GRIN3A: variants seen among roughly 807,000 people sequenced by gnomAD.
GRIN3A encodes glutamate receptor ionotropic, NMDA 3A.
Under a neutral mutation model 92.4 loss-of-function variants are expected in GRIN3A, and 47 were observed. That is an observed-to-expected ratio of 0.51 (90% CI 0.40 to 0.65). The LOEUF is 0.65. Ranked by LOEUF, GRIN3A falls within the 30% of genes least tolerant of loss-of-function variation. The pLI, the probability that GRIN3A is intolerant of heterozygous loss-of-function variation, is 0.00. For synonymous variants in GRIN3A, 527 were observed against 540.6 expected, an observed-to-expected ratio of 0.97 and a Z score of 0.35; for missense variants, 1,324 against 1,393.1, an observed-to-expected ratio of 0.95 and a Z score of 0.79.
Position 101,583,297 on chromosome 9 carries a change from T to G in GRIN3A, c.2767-3937A>C, listed in dbSNP as rs117597970. ...TCGCTATAACAACTATCACAATTTTTTATTTAAAACTCACATTGGAATGGA... is the reference window on the plus strand; with the variant it reads ...TCGCTATAACAACTATCACAATTTTGTATTTAAAACTCACATTGGAATGGA... On this transcript the variant is annotated intron_variant, in intron 6 of 8. Transcript: ENST00000361820. Among the ~76,000 whole-genome samples the G allele has an allele frequency of 6.6e-4, 100 of 152,334 alleles. 2 individuals are homozygous for G. The East Asian group carries it at 0.012, about 19-fold the overall frequency.
At chr9:101,581,262 C>G in intron 6 of GRIN3A, among the ~76,000 whole-genome samples, 1 of 152,104 alleles carries the variant, frequency 6.6e-6, no homozygotes, top group Non-Finnish European at 1.5e-5. Flanking sequence ...AGTGAACATA[C>G]TAACCTGAGG....
chr9:101,697,063 T>A (rs1320154771), intron 1 of GRIN3A, among the ~76,000 whole-genome samples: 1 of 152,218 alleles, frequency 6.6e-6, no homozygotes, highest in Non-Finnish European at 1.5e-5. Context: ...GTATAATGGC[T>A]TATTTCATTT....
intron 3 of GRIN3A, among the ~76,000 whole-genome samples, chr9:101,638,841 A>T (rs1828816684): frequency 6.6e-6 from 1 of 152,250 alleles, no homozygotes; most frequent in Admixed American, 6.5e-5. Flanking sequence ...GCTTGGCGTT[A>T]GACTCAGTTC....
At chr9:101,683,300 G>C (rs186890734) in intron 2 of GRIN3A, among the ~76,000 whole-genome samples, 2 of 152,148 alleles carry the variant, frequency 1.3e-5, no homozygotes, top group Non-Finnish European at 1.5e-5. Context: ...GAAAACTTGC[G>C]TAACTCTGAC....
At chr9:101,709,638 T>C (rs1829854838) in intron 1 of GRIN3A, among the ~76,000 whole-genome samples, 1 of 152,250 alleles carries the variant, frequency 6.6e-6, no homozygotes, top group Non-Finnish European at 1.5e-5. Flanking sequence ...GCTCAGTTTG[T>C]TCATTTGTAA....
chr9:101,641,916 C>G (rs1828870921), intron 3 of GRIN3A, among the ~76,000 whole-genome samples: 1 of 151,914 alleles, frequency 6.6e-6, no homozygotes, highest in Non-Finnish European at 1.5e-5. Context: ...TGAGTGGTAG[C>G]TATTTGATTG....
intron 1 of GRIN3A, among the ~76,000 whole-genome samples, chr9:101,721,727 T>C (rs1008911399): frequency 6.6e-6 from 1 of 152,290 alleles, no homozygotes; most frequent in Admixed American, 6.5e-5. Context: ...TGGAGGCATT[T>C]TACCCCTGCC....
intron 3 of GRIN3A, among the ~76,000 whole-genome samples, chr9:101,628,971 T>G (rs1828676729): frequency 6.6e-6 from 1 of 152,240 alleles, no homozygotes; most frequent in African/African-American, 2.4e-5. Context: ...AATAATTAGG[T>G]TTTTAAGTTG....
At chr9:101,677,216 C>T (rs1373005880) in intron 2 of GRIN3A, among the ~76,000 whole-genome samples, 1 of 151,826 alleles carries the variant, frequency 6.6e-6, no homozygotes, top group African/African-American at 2.4e-5. Context: ...CAGGGCTTTC[C>T]CCTAAACTCT....
intron 6 of GRIN3A, among the ~76,000 whole-genome samples, chr9:101,587,035 C>CG (rs1588237058): frequency 6.6e-6 from 1 of 152,218 alleles, no homozygotes; most frequent in East Asian, 1.9e-4. Context: ...TGCAGCCGGG[C>CG]GCAGTGGCTC....
rs1311711666 is a variant in GRIN3A, at chr9:101,570,848, A to T, written c.*2326T>A. ...AAAAGGGTGCTTTACTTTACAAAAGAATTCACTTCTGGGTTCCCTTAAACA... is the reference window on the plus strand; with the variant it reads ...AAAAGGGTGCTTTACTTTACAAAAGTATTCACTTCTGGGTTCCCTTAAACA... On this transcript the variant is annotated 3_prime_UTR_variant, in exon 9 of 9. Transcript: ENST00000361820. 1.3e-5 allele frequency: 2 copies of T among 152,658 alleles called. No homozygotes were observed. The highest frequency in any genetic ancestry group is 2.1e-4 in the South Asian group (1 of 4,834). 9.5% of individuals were successfully genotyped at this position (152,658 alleles called of 1,614,324 possible).
chr9:101,573,696 C>T (rs1336534864), intron 8 of GRIN3A, among the ~76,000 whole-genome samples, 183 bp from the exon 9 acceptor site: 2 of 147,950 alleles, frequency 1.4e-5, no homozygotes, highest in Non-Finnish European at 3.0e-5. Flanking sequence ...CATGAACATA[C>T]AAAAGTTCAA....
chr9:101,657,385 A>G (rs1405255455), intron 3 of GRIN3A, among the ~76,000 whole-genome samples: 1 of 152,030 alleles, frequency 6.6e-6, no homozygotes, highest in Non-Finnish European at 1.5e-5. Flanking sequence ...ATTCCGATGA[A>G]GAAATGTACT....
intron 5 of GRIN3A, among the ~76,000 whole-genome samples, chr9:101,615,839 C>T (rs1828443529): frequency 6.8e-6 from 1 of 146,634 alleles, no homozygotes; most frequent in Non-Finnish European, 1.5e-5. Context: ...AAACTATTGA[C>T]CCAGGGAGGA....
intron 8 of GRIN3A, among the ~76,000 whole-genome samples, chr9:101,575,220 G>A (rs1309090046): frequency 6.6e-6 from 1 of 152,154 alleles, no homozygotes; most frequent in Admixed American, 6.6e-5. Context: ...CCAGAGCTCA[G>A]TTTTCTTGTA....
Position 101,570,382 on chromosome 9 carries a change from A to T in GRIN3A, c.*2792T>A, listed in dbSNP as rs1210341519. 1.3e-5 allele frequency: 2 copies of T among 152,610 alleles called. No individual in the cohort carries two copies. The highest frequency in any genetic ancestry group is 3.9e-4 in the East Asian group (2 of 5,190). The allele number at this position is 152,610 out of a possible 1,614,324, so 9.5% of individuals were successfully genotyped here. A position where few individuals can be genotyped will look rare whatever the true frequency, so the allele number is the denominator to read the frequency against. ...ACAGAGGCAGAGCTGAACGGAAAGG[A>T]GGTTTCCAAGGACCCACCATTTCAT... On this transcript the variant is annotated 3_prime_UTR_variant, in exon 9 of 9. Coordinates refer to ENST00000361820, the MANE Select transcript of GRIN3A (RefSeq NM_133445.3).
At chr9:101,617,218 A>AG (rs1828472276) in intron 5 of GRIN3A, among the ~76,000 whole-genome samples, 1 of 151,238 alleles carries the variant, frequency 6.6e-6, no homozygotes, top group Non-Finnish European at 1.5e-5. Flanking sequence ...AAAAAAAAAA[A>AG]AAAAAAAAGA....
At chr9:101,677,937 A>G (rs940370428) in intron 2 of GRIN3A, among the ~76,000 whole-genome samples, 1 of 152,118 alleles carries the variant, frequency 6.6e-6, no homozygotes, top group Admixed American at 6.6e-5. Context: ...TTTAGACTAT[A>G]AGGCCCTCAA....
intron 1 of GRIN3A, among the ~76,000 whole-genome samples, chr9:101,733,759 G>A (rs1830169505): frequency 6.6e-6 from 1 of 152,178 alleles, no homozygotes; most frequent in Admixed American, 6.5e-5. Flanking sequence ...CATGAAAGAA[G>A]CATATATTAA....
Sources: gnomAD v4.1 joint callset for allele counts (sites outside exome capture counted in the v4.1 genomes callset) on GRCh38, gnomAD v4.1.1 for gene constraint, MANE v1.5 for transcripts, NCBI Gene and HGNC (gene_info 2026-07-23, HGNC 2026-07-21) for gene names.